The following SIKE1 variants were observed in gnomAD, a reference collection of about 807,000 sequenced individuals.
The protein encoded by SIKE1 is suppressor of IKK epsilon.
In SIKE1, 13 loss-of-function variants were observed where a neutral mutation model predicts 25.8. That is an observed-to-expected ratio of 0.50 (90% CI 0.33 to 0.80). SIKE1 has a LOEUF of 0.80. SIKE1 is among the 30% of genes least tolerant of loss of function. SIKE1 has a pLI of 0.02. For missense variants in SIKE1, 222 were observed against 252.4 expected (o/e 0.88, Z 0.82); for synonymous variants, 86 against 95.5 (o/e 0.90, Z 0.58).
rs1352939478 is a variant in SIKE1, at chr1:114,780,610, C to A, written c.-3G>T. 3 of 1,603,898 alleles carry A rather than the reference C, an allele frequency of 1.9e-6. No homozygotes were observed. Among genetic ancestry groups the A allele is most frequent in the Non-Finnish European group, 1.7e-6 (2 of 1,175,086 alleles). ...ATCTTCTCGATGGTGCAGCTCATAG[C>A]AGCAGCACCACCCCAGCCCCTGCCG... On this transcript the variant is annotated 5_prime_UTR_variant, in exon 1 of 5. Coordinates refer to ENST00000060969, the MANE Select transcript of SIKE1 (RefSeq NM_025073.3).
At position 114,772,347 on chromosome 1, in the gene SIKE1, G is replaced by C. The variant is rs1662092752; in HGVS notation, c.*1924C>G. 6.6e-6 allele frequency: 1 copy of C among 152,116 alleles called. No homozygotes were observed. Among genetic ancestry groups the C allele is most frequent in the South Asian group, 2.1e-4 (1 of 4,826 alleles). The allele number at this position is 152,116 out of a possible 1,614,324, so 9.4% of individuals were successfully genotyped here. A position where few individuals can be genotyped will look rare whatever the true frequency, so the allele number is the denominator to read the frequency against. ...AACTTTAAAATCCACTTAAAATGAA[G>C]AGCATTCCTCCCCGACTCAATTTTC... On this transcript the variant is annotated 3_prime_UTR_variant, in exon 5 of 5. Transcript: ENST00000060969.
At chr1:114,778,894 C>T (rs1662324788) in intron 3 of SIKE1, 1 of 491,212 alleles carries the variant, frequency 2.0e-6, no homozygotes. Flanking sequence ...AACAAACAAA[C>T]AACCCCACAA....
intron 4 of SIKE1, among the ~76,000 whole-genome samples, chr1:114,776,033 A>C (rs141606588): frequency 6.6e-6 from 1 of 152,214 alleles, no homozygotes; most frequent in Non-Finnish European, 1.5e-5. Flanking sequence ...TTTAGACATT[A>C]TCTACTTCAC....
At position 114,780,631 on chromosome 1, in the gene SIKE1, T is replaced by C. The variant is rs1662383929; in HGVS notation, c.-24A>G. The C allele has an allele frequency of 6.3e-7, 1 of 1,581,572 alleles. No homozygotes were observed. The highest frequency in any genetic ancestry group is 8.6e-7 in the Non-Finnish European group (1 of 1,158,756). On this transcript the variant is annotated 5_prime_UTR_variant, in exon 1 of 5. Coordinates refer to ENST00000060969, the MANE Select transcript of SIKE1 (RefSeq NM_025073.3). ...ATAGCAGCAGCACCACCCCAGCCCC[T>C]GCCGGGCTCAGCTACGCGACTCGCT...
chr1:114,770,981 T>A lies in SIKE1; in HGVS notation c.*3290A>T, dbSNP rs982917435. On this transcript the variant is annotated 3_prime_UTR_variant, in exon 5 of 5. Transcript: ENST00000060969. ...CAAGGGAAAATCCATTTGGGATTTC[T>A]GAGAAAGCTTTGCTTTCCCTCATAA... The A allele has an allele frequency of 6.6e-6, 1 of 152,280 alleles. No homozygotes were observed. The highest frequency in any genetic ancestry group is 6.5e-5 in the Admixed American group (1 of 15,292). 9.4% of individuals were successfully genotyped at this position (152,280 alleles called of 1,614,324 possible). A position where few individuals can be genotyped will look rare whatever the true frequency, so the allele number is the denominator to read the frequency against.
chr1:114,775,547 G>A (rs979320703), intron 4 of SIKE1, among the ~76,000 whole-genome samples: 2 of 147,686 alleles, frequency 1.4e-5, no homozygotes, highest in African/African-American at 5.0e-5. Context: ...TCTGTCACTC[G>A]GTTGGAGTGC....
intron 4 of SIKE1, 90 bp downstream of exon 4, chr1:114,776,256 A>G: frequency 1.3e-6 from 1 of 789,788 alleles, no homozygotes; most frequent in Non-Finnish European, 2.2e-6. Context: ...AGAAAACATC[A>G]ATATATTACA....
intron 3 of SIKE1, 127 bp from the exon 4 acceptor site, chr1:114,776,586 T>A (rs1662247302): frequency 1.5e-6 from 1 of 665,998 alleles, no homozygotes; most frequent in African/African-American, 1.8e-5. Context: ...TACAATGGAG[T>A]TTCCCTACAA....
chr1:114,775,287 T>C (rs547598526), intron 4 of SIKE1, among the ~76,000 whole-genome samples: 1 of 152,298 alleles, frequency 6.6e-6, no homozygotes, highest in African/African-American at 2.4e-5. Flanking sequence ...GATTAGAGCC[T>C]GTGGTCGACG....
At chr1:114,778,858 T>G (rs1014208018) in intron 3 of SIKE1, 4 of 410,124 alleles carry the variant, frequency 9.8e-6, no homozygotes, top group Non-Finnish European at 1.8e-5. Flanking sequence ...AAATGTCATC[T>G]CTACCAAAAA....
chr1:114,777,184 G>GTTA (rs1662267946), intron 3 of SIKE1, among the ~76,000 whole-genome samples: 1 of 152,008 alleles, frequency 6.6e-6, no homozygotes, highest in African/African-American at 2.4e-5. Flanking sequence ...ACACCATCAT[G>GTTA]GCACATGTAT....
rs563471638 is a variant in SIKE1 at position 114,770,467 on chromosome 1, A to G, written c.*3804T>C. On this transcript the variant is annotated 3_prime_UTR_variant, in exon 5 of 5. Transcript: ENST00000060969. ...TCACTTTTGCTGTACCTCTGTGGAG[A>G]TGAATGCAGTAGTGTTGTTAATCAC... is the stretch of plus-strand genomic sequence containing the variant. The G allele has an allele frequency of 4.6e-5, 7 of 152,346 alleles. No individual in the cohort carries two copies. The highest frequency in any genetic ancestry group is 1.7e-4 in the African/African-American group (7 of 41,592). The allele number at this position is 152,346 out of a possible 1,614,324, so 9.4% of individuals were successfully genotyped here.
Position 114,769,921 on chromosome 1 carries a change from A to G in SIKE1, c.*4350T>C, listed in dbSNP as rs1165867686. On this transcript the variant is annotated 3_prime_UTR_variant, in exon 5 of 5. Coordinates refer to ENST00000060969, the MANE Select transcript of SIKE1 (RefSeq NM_025073.3). ...AGCATCAAATATTACATTTAAATAT[A>G]AGTCCCAAATTATGTATAAAGTGTT... 6.6e-6 allele frequency: 1 copy of G among 152,232 alleles called. No individual in the cohort carries two copies. Among genetic ancestry groups the G allele is most frequent in the East Asian group, 1.9e-4 (1 of 5,206 alleles). The allele number at this position is 152,232 out of a possible 1,614,324, so 9.4% of individuals were successfully genotyped here. A position where few individuals can be genotyped will look rare whatever the true frequency, so the allele number is the denominator to read the frequency against.
chr1:114,770,845 T>G lies in SIKE1; in HGVS notation c.*3426A>C, dbSNP rs1437803200. ...TGTCACAGTCACAGACACTGTTAAT[T>G]GCTTTCTCAATATTCTTTCTTCTTG... is the stretch of plus-strand genomic sequence containing the variant. On this transcript the variant is annotated 3_prime_UTR_variant, in exon 5 of 5. Coordinates refer to ENST00000060969, the MANE Select transcript of SIKE1 (RefSeq NM_025073.3). 6.6e-6 allele frequency: 1 copy of G among 152,244 alleles called. No individual in the cohort carries two copies. Among genetic ancestry groups the G allele is most frequent in the East Asian group, 1.9e-4 (1 of 5,206 alleles). The allele number at this position is 152,244 out of a possible 1,614,324, so 9.4% of individuals were successfully genotyped here.
At chr1:114,777,527 T>C (rs1163796284) in intron 3 of SIKE1, among the ~76,000 whole-genome samples, 1 of 152,170 alleles carries the variant, frequency 6.6e-6, no homozygotes, top group East Asian at 1.9e-4. Flanking sequence ...CAATATGGAT[T>C]TGTGTTACAC....
rs1303180301 is a variant in SIKE1 at position 114,780,161 on chromosome 1, G to A, written c.214C>T (p.Leu72=). 1.2e-6 allele frequency: 2 copies of A among 1,614,076 alleles called. No individual in the cohort carries two copies. Among genetic ancestry groups the A allele is most frequent in the Admixed American group, 3.3e-5 (2 of 59,996 alleles). Residue 72 remains leucine (L), a synonymous_variant, in exon 2 of 5, where the codon CTG becomes TTG. Coordinates refer to ENST00000060969, the MANE Select transcript of SIKE1 (RefSeq NM_025073.3). ...KDMSKYKPHI[L]LSQENTQIRD... is the part of the protein sequence containing the mutation. The stretch of plus-strand genomic sequence containing the variant: ...ATCTGTGTGTTCTCTTGGGACAGCA[G>A]AATGTGAGGTTTGTATTTGGACATG...
In SIKE1 at chr1:114,779,850, T is replaced by C. The variant is rs570363115; in HGVS notation, c.265+260A>G. On this transcript the variant is annotated intron_variant, in intron 2 of 4. Transcript: ENST00000060969. The stretch of plus-strand genomic sequence containing the variant: ...AAGTCCATGAGGCTATGAACTCTTT[T>C]GTTACACATCTGAGGATGCTTAAAA... 5.3e-5 allele frequency among the ~76,000 whole-genome samples: 8 copies of C among 152,366 alleles called. No homozygotes were observed. In the East Asian group the frequency reaches 1.5e-3, roughly 29 times the overall value.
Position 114,774,335 on chromosome 1 carries a change from C to T in SIKE1, c.560G>A (p.Ser187Asn). 6.2e-7 allele frequency: 1 copy of T among 1,611,500 alleles called. No homozygotes were observed. The highest frequency in any genetic ancestry group is 8.5e-7 in the Non-Finnish European group (1 of 1,178,218). ...CTTTCTGGCTTGAAGAGACTCACTG[C>T]TGATGGACAATAATTCTCGAAGTTC... ...NKELRELLSI[S>N]SESLQARKEN... The change falls in exon 5 of 5, where the codon AGC becomes AAC. Residue 187 changes from serine to asparagine, a missense_variant. Physicochemically the swap from Ser to Asn is conservative, Grantham distance 46. Coordinates refer to ENST00000060969, the MANE Select transcript of SIKE1 (RefSeq NM_025073.3).
Position 114,771,994 on chromosome 1 carries a change from C to T in SIKE1, c.*2277G>A, listed in dbSNP as rs1662082705. 1 of 152,038 alleles carries T rather than the reference C, an allele frequency of 6.6e-6. No homozygotes were observed. Among genetic ancestry groups the T allele is most frequent in the African/African-American group, 2.4e-5 (1 of 41,376 alleles). 9.4% of individuals were successfully genotyped at this position (152,038 alleles called of 1,614,324 possible). A position where few individuals can be genotyped will look rare whatever the true frequency, so the allele number is the denominator to read the frequency against. ...ACATTTTGAAGAACACTAAAATAGA[C>T]CTTCAATGTTTGAATCCAATTATGC... On this transcript the variant is annotated 3_prime_UTR_variant, in exon 5 of 5. Transcript: ENST00000060969.
Sources: allele counts gnomAD v4.1 joint callset (sites outside exome capture counted in the v4.1 genomes callset), GRCh38; gene constraint gnomAD v4.1.1; transcripts MANE v1.5; gene names NCBI Gene and HGNC (gene_info 2026-07-23, HGNC 2026-07-21).